The following SLC6A19 variants were observed in gnomAD, a reference collection of about 807,000 sequenced individuals.
SLC6A19 encodes sodium-dependent neutral amino acid transporter B(0)AT1.
Under a neutral mutation model 68.3 loss-of-function variants are expected in SLC6A19, and 67 were observed. The ratio of observed to expected loss-of-function variants is 0.98; its 90% CI spans 0.81 to 1.20. SLC6A19 has a LOEUF of 1.20. Among genes scored for constraint, SLC6A19 ranks in the 50% most tolerant of loss-of-function variants. The pLI is 0.00. For missense variants in SLC6A19, 813 were observed against 851.6 expected (o/e 0.95, Z 0.56); for synonymous variants, 392 against 374.9 (o/e 1.05, Z -0.53).
intron 1 of SLC6A19, 151 bp downstream of exon 1, chr5:1,202,003 CCCCA>C: frequency 9.5e-7 from 1 of 1,053,242 alleles, no homozygotes; most frequent in Non-Finnish European, 1.3e-6. Context: ...GAGCTGGGGC[CCCCA>C]CGGGCCCCCG....
chr5:1,206,775 T>C (rs1419899359), intron 1 of SLC6A19, among the ~76,000 whole-genome samples: 1 of 152,072 alleles, frequency 6.6e-6, no homozygotes, highest in Non-Finnish European at 1.5e-5. Context: ...CCCAGTGTCA[T>C]GTGAGCATCC....
chr5:1,210,671 G>C (rs1330813304), intron 3 of SLC6A19, 90 bp downstream of exon 3: 20 of 1,579,850 alleles, frequency 1.3e-5, no homozygotes, highest in Non-Finnish European at 1.7e-6. Flanking sequence ...ACTCAGGTCA[G>C]GCGTGGCAGA....
intron 1 of SLC6A19, among the ~76,000 whole-genome samples, chr5:1,208,298 G>A (rs1250543488): frequency 6.6e-6 from 1 of 152,208 alleles, no homozygotes; most frequent in East Asian, 1.9e-4. Context: ...GACGTGGCAG[G>A]TGCAGCTGGC....
At chr5:1,202,324 C>T (rs1006515085) in intron 1 of SLC6A19, among the ~76,000 whole-genome samples, 1 of 152,160 alleles carries the variant, frequency 6.6e-6, no homozygotes, top group East Asian at 1.9e-4. Context: ...GTAGCCGGAG[C>T]CTGTGGACTC....
chr5:1,222,045 C>T lies in SLC6A19; in HGVS notation c.*141C>T, dbSNP rs1746398601. On this transcript the variant is annotated 3_prime_UTR_variant, in exon 12 of 12. Coordinates refer to ENST00000304460, the MANE Select transcript of SLC6A19 (RefSeq NM_001003841.3). ...TGTGTGAGTGTGTGTATTGTACACGCATGTGCCATGTGTGCAGATATGTAT... is the reference window on the plus strand; with the variant it reads ...TGTGTGAGTGTGTGTATTGTACACGTATGTGCCATGTGTGCAGATATGTAT... The T allele has an allele frequency of 3.3e-6, 3 of 902,596 alleles. No homozygotes were observed. Among genetic ancestry groups the T allele is most frequent in the East Asian group, 2.6e-5 (1 of 37,740 alleles). The allele number at this position is 902,596 out of a possible 1,614,324, so 55.9% of individuals were successfully genotyped here.
intron 4 of SLC6A19, 29 bp from the exon 5 acceptor site, chr5:1,213,434 G>T: frequency 4.6e-6 from 3 of 653,942 alleles, no homozygotes; most frequent in African/African-American, 3.9e-5. Flanking sequence ...CCAACTTCCC[G>T]CCCATCCCAC....
Position 1,214,631 on chromosome 5 carries a change from C to T in SLC6A19, c.887+566C>T, listed in dbSNP as rs1174044906. Among the ~76,000 whole-genome samples, 2 of 152,130 alleles carry T rather than the reference C, an allele frequency of 1.3e-5. No homozygotes were observed. Among genetic ancestry groups the T allele is most frequent in the South Asian group, 2.1e-4 (1 of 4,830 alleles). On this transcript the variant is annotated intron_variant, in intron 6 of 11. Transcript: ENST00000304460. The surrounding 1 kb of genome is among the most constrained non-coding windows in gnomAD (Gnocchi z 7.4). ...CCCGACCTGGTGCATCAGGACCTGC[C>T]CTCAGTGACCTGTGGCTCTGCAGGT...
rs755883163 is a variant in SLC6A19, at chr5:1,213,584, G to A, written c.774+11G>A. ...CTCTTCACGCCCAACGTAAGTCCCC[G>A]AGGCTGCCCTGGGCCCAGACCCCGG... On this transcript the variant is annotated intron_variant, in intron 5 of 11. Coordinates refer to ENST00000304460, the MANE Select transcript of SLC6A19 (RefSeq NM_001003841.3). The A allele has an allele frequency of 2.2e-5, 35 of 1,609,764 alleles. No homozygotes were observed. Among genetic ancestry groups the A allele is most frequent in the Middle Eastern group, 3.3e-4 (2 of 5,990 alleles).
chr5:1,207,184 G>A (rs1398449903), intron 1 of SLC6A19, among the ~76,000 whole-genome samples: 4 of 152,144 alleles, frequency 2.6e-5, no homozygotes, highest in Non-Finnish European at 5.9e-5. Context: ...TCGAGTGAAG[G>A]ACCCACCGGT....
rs753196007 is a variant in SLC6A19, at chr5:1,201,632, G to T, written c.-19G>T. ...GCTTCTGCCCTGCCTGCTGTGTGCGGAGCCGTCCAGCGACCACCATGGTGA... is the reference window on the plus strand; with the variant it reads ...GCTTCTGCCCTGCCTGCTGTGTGCGTAGCCGTCCAGCGACCACCATGGTGA... On this transcript the variant is annotated 5_prime_UTR_variant, in exon 1 of 12. Coordinates refer to ENST00000304460, the MANE Select transcript of SLC6A19 (RefSeq NM_001003841.3). 1.3e-6 allele frequency: 2 copies of T among 1,599,514 alleles called. No homozygotes were observed. The highest frequency in any genetic ancestry group is 3.4e-5 in the Admixed American group (2 of 59,410).
chr5:1,216,932 C>T lies in SLC6A19; in HGVS notation c.1160C>T (p.Ala387Val). The change falls in exon 8 of 12, where the codon GCC becomes GTC. Residue 387 changes from alanine (A) to valine (V), a missense_variant. Ala to Val is a moderately conservative substitution (Grantham distance 64). Coordinates refer to ENST00000304460, the MANE Select transcript of SLC6A19 (RefSeq NM_001003841.3). ...GTGTTCCAGACCTGCGACATCAACG[C>T]CTTCCTCTCAGAGGTAGGTCCATTC... ...QLVFQTCDIN[A>V]FLSEAVEGTG... The T allele has an allele frequency of 6.2e-7, 1 of 1,612,994 alleles. No individual in the cohort carries two copies. The highest frequency in any genetic ancestry group is 8.5e-7 in the Non-Finnish European group (1 of 1,180,016).
At position 1,206,098 on chromosome 5, in the gene SLC6A19, A is replaced by G. The variant is rs375014161; in HGVS notation, c.203-2648A>G. Among the ~76,000 whole-genome samples, 292 of 152,298 alleles carry G rather than the reference A, an allele frequency of 1.9e-3. 1 individual carries two copies. The highest frequency in any genetic ancestry group is 6.8e-3 in the African/African-American group (282 of 41,556). ...TCCAGAGGGCCCTGCTCCACTCAAC[A>G]GGCAGGCACCAAGTGGACACAGAGG... is the stretch of plus-strand genomic sequence containing the variant. On this transcript the variant is annotated intron_variant, in intron 1 of 11. Transcript: ENST00000304460.
chr5:1,204,300 A>T (rs534659597), intron 1 of SLC6A19, among the ~76,000 whole-genome samples: 6 of 152,344 alleles, frequency 3.9e-5, no homozygotes, highest in African/African-American at 1.4e-4. Flanking sequence ...CTCAAGGGAC[A>T]CTTTCCTGAG....
intron 1 of SLC6A19, among the ~76,000 whole-genome samples, chr5:1,204,121 G>A (rs1227279489): frequency 1.3e-5 from 2 of 152,224 alleles, no homozygotes; most frequent in African/African-American, 4.8e-5. Context: ...GGGTCATCGA[G>A]ACCAAATCGA....
At position 1,209,191 on chromosome 5, in the gene SLC6A19, CAGCGAG is replaced by C. The variant is rs1215116980; in HGVS notation, c.343+309_343+314del. 1.3e-5 allele frequency among the ~76,000 whole-genome samples: 2 copies of C among 152,108 alleles called. No homozygotes were observed. Among genetic ancestry groups the C allele is most frequent in the Non-Finnish European group, 2.9e-5 (2 of 68,000 alleles). On this transcript the variant is annotated intron_variant, in intron 2 of 11. Coordinates refer to ENST00000304460, the MANE Select transcript of SLC6A19 (RefSeq NM_001003841.3). This position sits in a 1 kb window ranked among gnomAD's most constrained non-coding sequence, Gnocchi z 5.5. The stretch of plus-strand genomic sequence containing the variant: ...CTCAAGCCCTGCCCATGGCGGCGCT[CAGCGAG>C]AGCCCAGGGCCCAGGAGGGGGCACC...
chr5:1,204,748 C>A (rs1222789084), intron 1 of SLC6A19, among the ~76,000 whole-genome samples: 2 of 152,220 alleles, frequency 1.3e-5, no homozygotes, highest in Non-Finnish European at 2.9e-5. Context: ...AGGAGCCACC[C>A]CTTCCAGGAC....
chr5:1,222,452 G>A lies in SLC6A19; in HGVS notation c.*548G>A, dbSNP rs1746417153. The A allele has an allele frequency of 4.6e-6, 2 of 434,808 alleles. No individual in the cohort carries two copies. The highest frequency in any genetic ancestry group is 6.5e-5 in the East Asian group (2 of 30,964). The allele number at this position is 434,808 out of a possible 1,614,324, so 26.9% of individuals were successfully genotyped here. On this transcript the variant is annotated 3_prime_UTR_variant, in exon 12 of 12. Transcript: ENST00000304460. Reference sequence around the variant, plus strand: ...AATTGTGTGTATGTGTGTTCTGTGTGTGCGTTTGCAAGTATATATGCACAT... The same window carrying A: ...AATTGTGTGTATGTGTGTTCTGTGTATGCGTTTGCAAGTATATATGCACAT...
chr5:1,219,791 G>A (rs754174951), intron 10 of SLC6A19, 127 bp downstream of exon 10: 172 of 1,288,246 alleles, frequency 1.3e-4, no homozygotes, highest in African/African-American at 7.1e-4. Flanking sequence ...GGCCTCGGCC[G>A]GCCACAGAGG....
rs1746178887 is a variant in SLC6A19 at position 1,215,387 on chromosome 5, T to C, written c.888-1171T>C. 6.6e-6 allele frequency among the ~76,000 whole-genome samples: 1 copy of C among 152,188 alleles called. No individual in the cohort carries two copies. ...GGTTCCAATCAGCAAAAGCTCCACA[T>C]ATGTGAGCAGCCGCTCCCCAGTGCC... On this transcript the variant is annotated intron_variant, in intron 6 of 11. Coordinates refer to ENST00000304460, the MANE Select transcript of SLC6A19 (RefSeq NM_001003841.3). The surrounding 1 kb of genome is among the most constrained non-coding windows in gnomAD (Gnocchi z 5.1).
Sources: allele counts gnomAD v4.1 joint callset (sites outside exome capture counted in the v4.1 genomes callset), GRCh38; gene constraint gnomAD v4.1.1; non-coding constraint Gnocchi (gnomAD v3.1); transcripts MANE v1.5; gene names NCBI Gene and HGNC (gene_info 2026-07-23, HGNC 2026-07-21).